The following BHLHE22 variants were observed in gnomAD, a reference collection of about 807,000 sequenced individuals.
BHLHE22 encodes class E basic helix-loop-helix protein 22.
In BHLHE22, 8 loss-of-function variants were observed where a neutral mutation model predicts 17.6. The observed-to-expected ratio is 0.45, with a 90% CI of 0.27 to 0.82. BHLHE22 has a LOEUF of 0.82. BHLHE22 is among the 40% of genes least tolerant of loss of function. BHLHE22 has a pLI of 0.16. For synonymous variants in BHLHE22, 353 were observed against 282.7 expected (o/e 1.25, Z -2.49); for missense variants, 570 against 581.5 (o/e 0.98, Z 0.20).
rs928901050 is a variant in BHLHE22 at position 64,581,480 on chromosome 8, C to CAGT, written c.692_693insTAG (p.Ser234dup). On this transcript the variant is annotated inframe_insertion, in exon 1 of 1. Coordinates refer to ENST00000321870, the MANE Select transcript of BHLHE22 (RefSeq NM_152414.5). This position sits in a 1 kb window ranked among gnomAD's most constrained non-coding sequence, Gnocchi z 6.4. ...GCAGCGGCGGCAGCAGCAGCAGCAG[C>CAGT]AGCAGCAGCAGCAAGAAATCCAAAG... 6.4e-7 allele frequency: 1 copy of CAGT among 1,557,944 alleles called. No homozygotes were observed. Among genetic ancestry groups the CAGT allele is most frequent in the African/African-American group, 1.4e-5 (1 of 73,632 alleles).
In BHLHE22 at chr8:64,581,639, C is replaced by T; in HGVS notation, c.849C>T (p.Ile283=). ...CCTCGGTGCGAAAGCTCTCCAAGAT[C>T]GCCACGCTGCTGCTCGCCAAGAACT... The part of the protein sequence containing the change: ...HSPSVRKLSK[I]ATLLLAKNYI... Residue 283 remains isoleucine (I), a synonymous_variant, in exon 1 of 1, where the codon ATC becomes ATT. Coordinates refer to ENST00000321870, the MANE Select transcript of BHLHE22 (RefSeq NM_152414.5). This position sits in a 1 kb window ranked among gnomAD's most constrained non-coding sequence, Gnocchi z 6.4. 1 of 1,613,320 alleles carries T rather than the reference C, an allele frequency of 6.2e-7. No homozygotes were observed. Among genetic ancestry groups the T allele is most frequent in the Non-Finnish European group, 8.5e-7 (1 of 1,179,872 alleles).
chr8:64,580,750 C>A lies in BHLHE22; in HGVS notation c.-41C>A, dbSNP rs1213440364. 10 of 1,075,474 alleles carry A rather than the reference C, an allele frequency of 9.3e-6. No individual in the cohort carries two copies. The highest frequency in any genetic ancestry group is 1.0e-5 in the Non-Finnish European group (9 of 888,812). The allele number at this position is 1,075,474 out of a possible 1,614,324, so 66.6% of individuals were successfully genotyped here. On this transcript the variant is annotated 5_prime_UTR_variant, in exon 1 of 1. Coordinates refer to ENST00000321870, the MANE Select transcript of BHLHE22 (RefSeq NM_152414.5). The stretch of plus-strand genomic sequence containing the variant: ...TCCGGGGCCGAGGCGGCGGCGGCGG[C>A]AGCGGGCGCGGCGGCCCGGGCTGCG...
In BHLHE22 at chr8:64,580,934, G is replaced by C; in HGVS notation, c.144G>C (p.Pro48=). The change falls in exon 1 of 1, where the codon CCG becomes CCC. Residue 48 remains proline (P), a synonymous_variant. Coordinates refer to ENST00000321870, the MANE Select transcript of BHLHE22 (RefSeq NM_152414.5). ...TPPGMDLSLA[P]PPRERPASSS... ...CGGGCATGGACCTGTCCCTGGCGCCGCCGCCTCGGGAACGCCCGGCGTCCT... is the reference window on the plus strand; with the variant it reads ...CGGGCATGGACCTGTCCCTGGCGCCCCCGCCTCGGGAACGCCCGGCGTCCT... The C allele has an allele frequency of 6.8e-7, 1 of 1,477,214 alleles. No homozygotes were observed. Among genetic ancestry groups the C allele is most frequent in the Non-Finnish European group, 8.9e-7 (1 of 1,122,052 alleles). 91.5% of individuals were successfully genotyped at this position (1,477,214 alleles called of 1,614,324 possible). A position where few individuals can be genotyped will look rare whatever the true frequency, so the allele number is the denominator to read the frequency against.
rs748834673 is a variant in BHLHE22 at position 64,581,960 on chromosome 8, C to G, written c.*24C>G. The G allele has an allele frequency of 6.2e-7, 1 of 1,608,862 alleles. No homozygotes were observed. Among genetic ancestry groups the G allele is most frequent in the Non-Finnish European group, 8.5e-7 (1 of 1,178,468 alleles). On this transcript the variant is annotated 3_prime_UTR_variant, in exon 1 of 1. Coordinates refer to ENST00000321870, the MANE Select transcript of BHLHE22 (RefSeq NM_152414.5). The surrounding 1 kb of genome is among the most constrained non-coding windows in gnomAD (Gnocchi z 6.4). ...AAACACACCCCCGAAAAACACAAGACCGACCCAAAATCTAGAGGAAAGCGA... is the reference window on the plus strand; with the variant it reads ...AAACACACCCCCGAAAAACACAAGAGCGACCCAAAATCTAGAGGAAAGCGA...
chr8:64,581,700 C>A lies in BHLHE22; in HGVS notation c.910C>A (p.Arg304=). ...GCAGGCGCAGGCCCTGGAGGAGATG[C>A]GGCGCCTAGTCGCCTACCTCAACCA... ...LMQAQALEEM[R]RLVAYLNQGQ... The change falls in exon 1 of 1, where the codon CGG becomes AGG. Residue 304 remains arginine (R), a synonymous_variant. Coordinates refer to ENST00000321870, the MANE Select transcript of BHLHE22 (RefSeq NM_152414.5). The surrounding 1 kb of genome is among the most constrained non-coding windows in gnomAD (Gnocchi z 6.4). 3.7e-6 allele frequency: 6 copies of A among 1,608,678 alleles called. No individual in the cohort carries two copies. Among genetic ancestry groups the A allele is most frequent in the Non-Finnish European group, 5.1e-6 (6 of 1,178,246 alleles).
In BHLHE22 at chr8:64,582,593, T is replaced by A. The variant is rs1337632698; in HGVS notation, c.*657T>A. 1 of 167,106 alleles carries A rather than the reference T, an allele frequency of 6.0e-6. No individual in the cohort carries two copies. The allele number at this position is 167,106 out of a possible 1,614,324, so 10.4% of individuals were successfully genotyped here. On this transcript the variant is annotated 3_prime_UTR_variant, in exon 1 of 1. Transcript: ENST00000321870. Reference sequence around the variant, plus strand: ...CTGAACTTTAATCCTGTGAAAATGCTCAAAGTTTTGGCGAGAGTGATATAA... The same window carrying A: ...CTGAACTTTAATCCTGTGAAAATGCACAAAGTTTTGGCGAGAGTGATATAA...
rs750458796 is a variant in BHLHE22, at chr8:64,581,460, G to GGCAGCGGCA, written c.672_673insAGCGGCAGC (p.Gly224_Gly225insSerGlySer). ...CGGTGGCGGTAGCGGTAGCGGCAGC[G>GGCAGCGGCA]GCGGCAGCAGCAGCAGCAGCAGCAG... is the stretch of plus-strand genomic sequence containing the variant. On this transcript the variant is annotated inframe_insertion, in exon 1 of 1. Transcript: ENST00000321870. The surrounding 1 kb of genome is among the most constrained non-coding windows in gnomAD (Gnocchi z 6.4). 2.6e-6 allele frequency: 4 copies of GGCAGCGGCA among 1,530,778 alleles called. No homozygotes were observed. The highest frequency in any genetic ancestry group is 3.5e-6 in the Non-Finnish European group (4 of 1,140,516). The allele number at this position is 1,530,778 out of a possible 1,614,324, so 94.8% of individuals were successfully genotyped here.
In BHLHE22 at chr8:64,581,435, C is replaced by CGGTGGCGGTAGCGGT; in HGVS notation, c.646_660dup (p.Gly216_Gly220dup). 1 of 1,536,214 alleles carries CGGTGGCGGTAGCGGT rather than the reference C, an allele frequency of 6.5e-7. No individual in the cohort carries two copies. The highest frequency in any genetic ancestry group is 1.2e-5 in the South Asian group (1 of 84,238). On this transcript the variant is annotated inframe_insertion, in exon 1 of 1. Transcript: ENST00000321870. This position sits in a 1 kb window ranked among gnomAD's most constrained non-coding sequence, Gnocchi z 6.4. ...GTAGCAGCAGCGGTAGCAGTGGCGG[C>CGGTGGCGGTAGCGGT]GGTGGCGGTAGCGGTAGCGGCAGCG...
In BHLHE22 at chr8:64,581,077, G is replaced by A. The variant is rs908573127; in HGVS notation, c.287G>A (p.Gly96Asp). The change falls in exon 1 of 1, where the codon GGC becomes GAC. Residue 96 changes from glycine to aspartate, a missense_variant. Physicochemically the swap from Gly to Asp is moderately conservative, Grantham distance 94. Around this residue, in one of 3 missense-constraint regions of BHLHE22, gnomAD observed 427 missense variants for 376.2 expected, o/e 1.14. Transcript: ENST00000321870. The surrounding 1 kb of genome is among the most constrained non-coding windows in gnomAD (Gnocchi z 6.4). ...GSAGSGGGGG[G>D]GVGVPGLLVG... ...GCGGGAAGTGGCGGCGGCGGCGGCGGCGGGGTGGGTGTCCCCGGGCTGCTA... is the reference window on the plus strand; with the variant it reads ...GCGGGAAGTGGCGGCGGCGGCGGCGACGGGGTGGGTGTCCCCGGGCTGCTA... The A allele has an allele frequency of 3.1e-5, 41 of 1,326,944 alleles. 1 individual carries two copies. The Middle Eastern group carries it at 8.1e-4, about 26-fold the overall frequency. The allele number at this position is 1,326,944 out of a possible 1,614,324, so 82.2% of individuals were successfully genotyped here.
In BHLHE22 at chr8:64,581,189, G is replaced by A. The variant is rs1003328548; in HGVS notation, c.399G>A (p.Ala133=). 2 of 1,432,416 alleles carry A rather than the reference G, an allele frequency of 1.4e-6. No homozygotes were observed. The highest frequency in any genetic ancestry group is 1.8e-6 in the Non-Finnish European group (2 of 1,103,986). The allele number at this position is 1,432,416 out of a possible 1,614,324, so 88.7% of individuals were successfully genotyped here. The part of the protein sequence containing the change: ...AALCLKYGES[A]SRGSVAESSG... ...TTTGCCTCAAGTACGGCGAAAGCGC[G>A]AGCCGGGGCTCGGTGGCCGAGAGCA... The change falls in exon 1 of 1, where the codon GCG becomes GCA. Residue 133 remains alanine (A), a synonymous_variant. Coordinates refer to ENST00000321870, the MANE Select transcript of BHLHE22 (RefSeq NM_152414.5). The surrounding 1 kb of genome is among the most constrained non-coding windows in gnomAD (Gnocchi z 6.4).
At position 64,581,109 on chromosome 8, in the gene BHLHE22, T is replaced by G; in HGVS notation, c.319T>G (p.Ser107Ala). Residue 107 changes from serine to alanine, a missense_variant, in exon 1 of 1, where the codon TCA (serine) becomes GCA (alanine). Ser to Ala is a moderately conservative substitution (Grantham distance 99). Around this residue, in one of 3 missense-constraint regions of BHLHE22, gnomAD observed 427 missense variants for 376.2 expected, o/e 1.14. Coordinates refer to ENST00000321870, the MANE Select transcript of BHLHE22 (RefSeq NM_152414.5). The surrounding 1 kb of genome is among the most constrained non-coding windows in gnomAD (Gnocchi z 6.4). ...GGGTGTCCCCGGGCTGCTAGTAGGT[T>G]CAGCCGGCGTTGGGGGCGACCCTAG... ...GVGVPGLLVG[S>A]AGVGGDPSLS... The G allele has an allele frequency of 7.4e-7, 1 of 1,351,046 alleles. No individual in the cohort carries two copies. The highest frequency in any genetic ancestry group is 9.4e-7 in the Non-Finnish European group (1 of 1,061,882). The allele number at this position is 1,351,046 out of a possible 1,614,324, so 83.7% of individuals were successfully genotyped here.
At position 64,581,043 on chromosome 8, in the gene BHLHE22, G is replaced by GGCGGCA. The variant is rs1322904598; in HGVS notation, c.257_262dup (p.Gly86_Ser87dup). On this transcript the variant is annotated inframe_insertion, in exon 1 of 1. Coordinates refer to ENST00000321870, the MANE Select transcript of BHLHE22 (RefSeq NM_152414.5). This position sits in a 1 kb window ranked among gnomAD's most constrained non-coding sequence, Gnocchi z 6.4. ...GTTGCCGCCGCCTGGAGGAGGCGGC[G>GGCGGCA]GCGGCAGCGCGGGAAGTGGCGGCGG... is the stretch of plus-strand genomic sequence containing the variant. The GGCGGCA allele has an allele frequency of 1.6e-5, 21 of 1,328,246 alleles. No homozygotes were observed. In the Admixed American group the frequency reaches 7.4e-4, roughly 47 times the overall value. 82.3% of individuals were successfully genotyped at this position (1,328,246 alleles called of 1,614,324 possible).
chr8:64,581,432 C>T lies in BHLHE22; in HGVS notation c.642C>T (p.Gly214=). The change falls in exon 1 of 1, where the codon GGC becomes GGT. Residue 214 remains glycine (G), a synonymous_variant. Coordinates refer to ENST00000321870, the MANE Select transcript of BHLHE22 (RefSeq NM_152414.5). This position sits in a 1 kb window ranked among gnomAD's most constrained non-coding sequence, Gnocchi z 6.4. ...GGGGSSSGSS[G]GGGGSGSGSG... Reference sequence around the variant, plus strand: ...GGGGTAGCAGCAGCGGTAGCAGTGGCGGCGGTGGCGGTAGCGGTAGCGGCA... The same window carrying T: ...GGGGTAGCAGCAGCGGTAGCAGTGGTGGCGGTGGCGGTAGCGGTAGCGGCA... 1.3e-6 allele frequency: 2 copies of T among 1,523,652 alleles called. No homozygotes were observed. Among genetic ancestry groups the T allele is most frequent in the African/African-American group, 1.4e-5 (1 of 72,426 alleles). 94.4% of individuals were successfully genotyped at this position (1,523,652 alleles called of 1,614,324 possible). A position where few individuals can be genotyped will look rare whatever the true frequency, so the allele number is the denominator to read the frequency against.
chr8:64,580,781 G>A lies in BHLHE22; in HGVS notation c.-10G>A, dbSNP rs1804877084. On this transcript the variant is annotated 5_prime_UTR_variant, in exon 1 of 1. Coordinates refer to ENST00000321870, the MANE Select transcript of BHLHE22 (RefSeq NM_152414.5). ...GCGCGGCGGCCCGGGCTGCGCGCCG[G>A]CGCGGGACCATGGAGCGCGGGATGC... 2 of 1,295,488 alleles carry A rather than the reference G, an allele frequency of 1.5e-6. No homozygotes were observed. Among genetic ancestry groups the A allele is most frequent in the African/African-American group, 3.1e-5 (2 of 64,066 alleles). The allele number at this position is 1,295,488 out of a possible 1,614,324, so 80.2% of individuals were successfully genotyped here. A position where few individuals can be genotyped will look rare whatever the true frequency, so the allele number is the denominator to read the frequency against.
Position 64,581,883 on chromosome 8 carries a change from C to G in BHLHE22, c.1093C>G (p.Leu365Val), listed in dbSNP as rs529311968. The change falls in exon 1 of 1, where the codon CTG becomes GTG. Residue 365 changes from leucine to valine, a missense_variant. Coordinates refer to ENST00000321870, the MANE Select transcript of BHLHE22 (RefSeq NM_152414.5). The surrounding 1 kb of genome is among the most constrained non-coding windows in gnomAD (Gnocchi z 6.4). ...PAASCPEKCA[L>V]FNSVSSSLCK... ...TGCCTCCTGCCCGGAGAAGTGCGCC[C>G]TGTTTAACAGCGTCTCCTCCAGCCT... 6.2e-7 allele frequency: 1 copy of G among 1,610,214 alleles called. No individual in the cohort carries two copies. The highest frequency in any genetic ancestry group is 1.1e-5 in the South Asian group (1 of 90,932).
Position 64,580,713 on chromosome 8 carries a change from G to A in BHLHE22, c.-78G>A. On this transcript the variant is annotated 5_prime_UTR_variant, in exon 1 of 1. Transcript: ENST00000321870. ...GGAGCCCAGCTCGCGCGCGTCTGTG[G>A]GGCCGCCTGACTCCGGGGCCGAGGC... 1.1e-6 allele frequency: 1 copy of A among 931,854 alleles called. No individual in the cohort carries two copies. The highest frequency in any genetic ancestry group is 1.3e-6 in the Non-Finnish European group (1 of 777,862). The allele number at this position is 931,854 out of a possible 1,614,324, so 57.7% of individuals were successfully genotyped here. A position where few individuals can be genotyped will look rare whatever the true frequency, so the allele number is the denominator to read the frequency against.
chr8:64,582,943 C>T lies in BHLHE22; in HGVS notation c.*1007C>T, dbSNP rs1449690002. 6.0e-6 allele frequency: 1 copy of T among 166,876 alleles called. No homozygotes were observed. The highest frequency in any genetic ancestry group is 2.4e-5 in the African/African-American group (1 of 41,450). 10.3% of individuals were successfully genotyped at this position (166,876 alleles called of 1,614,324 possible). A position where few individuals can be genotyped will look rare whatever the true frequency, so the allele number is the denominator to read the frequency against. ...GTCACCTGGATATTTTCAGTTGCATCATCCCTGTATTTAAATTGAGCTTTA... is the reference window on the plus strand; with the variant it reads ...GTCACCTGGATATTTTCAGTTGCATTATCCCTGTATTTAAATTGAGCTTTA... On this transcript the variant is annotated 3_prime_UTR_variant, in exon 1 of 1. Coordinates refer to ENST00000321870, the MANE Select transcript of BHLHE22 (RefSeq NM_152414.5).
rs1374211846 is a variant in BHLHE22, at chr8:64,581,552, G to C, written c.762G>C (p.Arg254=). The part of the protein sequence containing the change: ...RLNINARERR[R]MHDLNDALDE... ...ACATCAATGCCCGAGAGCGCCGGCG[G>C]ATGCACGACCTGAACGACGCGCTGG... The change falls in exon 1 of 1, where the codon CGG becomes CGC. Residue 254 remains arginine, a synonymous_variant. Transcript: ENST00000321870. This position sits in a 1 kb window ranked among gnomAD's most constrained non-coding sequence, Gnocchi z 6.4. 1 of 1,610,974 alleles carries C rather than the reference G, an allele frequency of 6.2e-7. No homozygotes were observed.
chr8:64,581,345 C>T lies in BHLHE22; in HGVS notation c.555C>T (p.Ser185=). 6.8e-7 allele frequency: 1 copy of T among 1,467,204 alleles called. No individual in the cohort carries two copies. The highest frequency in any genetic ancestry group is 2.6e-5 in the East Asian group (1 of 38,584). The allele number at this position is 1,467,204 out of a possible 1,614,324, so 90.9% of individuals were successfully genotyped here. A position where few individuals can be genotyped will look rare whatever the true frequency, so the allele number is the denominator to read the frequency against. Residue 185 remains serine (S), a synonymous_variant, in exon 1 of 1, where the codon TCC becomes TCT. Transcript: ENST00000321870. The surrounding 1 kb of genome is among the most constrained non-coding windows in gnomAD (Gnocchi z 6.4). ...GGGAKAAEGC[S]NAHLHGGASV... Reference sequence around the variant, plus strand: ...GCGCGAAGGCAGCCGAGGGCTGCTCCAATGCCCACCTCCACGGCGGCGCCA... The same window carrying T: ...GCGCGAAGGCAGCCGAGGGCTGCTCTAATGCCCACCTCCACGGCGGCGCCA...
Sources: allele counts gnomAD v4.1 joint callset, GRCh38; gene constraint gnomAD v4.1.1; regional missense constraint gnomAD v4.1.1; non-coding constraint Gnocchi (gnomAD v3.1); transcripts MANE v1.5; gene names NCBI Gene and HGNC (gene_info 2026-07-23, HGNC 2026-07-21).